CNTN6: variants seen among roughly 807,000 people sequenced by gnomAD.
The protein encoded by CNTN6 is contactin 6, also known as contactin-6.
A neutral mutation model predicts 122.8 loss-of-function variants in CNTN6; 137 were observed. The observed-to-expected ratio is 1.12, with a 90% CI of 0.97 to 1.29. The LOEUF is 1.29. Ranked by LOEUF, CNTN6 falls within the 50% of genes most tolerant of loss-of-function variation. The probability of loss-of-function intolerance (pLI) is 0.00; values close to 1 mark genes in which losing one functional copy is unlikely to be tolerated. For missense variants in CNTN6, 1,634 were observed against 1,223.4 expected (o/e 1.34, Z -5.01); for synonymous variants, 570 against 426.0 (o/e 1.34, Z -4.16).
chr3:1,182,949 A>AATGTATTG (rs2093578370), intron 2 of CNTN6, among the ~76,000 whole-genome samples: 1 of 152,100 alleles, frequency 6.6e-6, no homozygotes, highest in Non-Finnish European at 1.5e-5. Context: ...GAATGCATAA[A>AATGTATTG]ATGTATTGTC....
rs1359381878 is a variant in CNTN6 at position 1,227,999 on chromosome 3, T to C, written c.358+6T>C. On this transcript the variant is annotated splice_donor_region_variant and intron_variant, in intron 4 of 22. Coordinates refer to ENST00000446702, the MANE Select transcript of CNTN6 (RefSeq NM_001289080.2). ...GGCAAAGCTCCAATTTGCATGTGAG[T>C]TTGGGGTAAATTTTGTAATCTTTGT... 3 of 1,610,354 alleles carry C rather than the reference T, an allele frequency of 1.9e-6. No individual in the cohort carries two copies. Among genetic ancestry groups the C allele is most frequent in the Non-Finnish European group, 2.5e-6 (3 of 1,178,192 alleles).
intron 1 of CNTN6, among the ~76,000 whole-genome samples, chr3:1,107,612 C>G (rs1372519971): frequency 1.3e-5 from 2 of 152,016 alleles, no homozygotes; most frequent in African/African-American, 4.8e-5. Flanking sequence ...TCCAGGGTGA[C>G]AAAAGCTGAA....
intron 2 of CNTN6, among the ~76,000 whole-genome samples, chr3:1,194,306 T>C (rs2093744866): frequency 6.6e-6 from 1 of 152,152 alleles, no homozygotes; most frequent in Non-Finnish European, 1.5e-5. Context: ...TGGAAGTACC[T>C]GTACAGGGCA....
At chr3:1,396,672 TC>T (rs1695028909) in intron 20 of CNTN6, among the ~76,000 whole-genome samples, 1 of 152,230 alleles carries the variant, frequency 6.6e-6, no homozygotes, top group South Asian at 2.1e-4. Context: ...CAATTTACTT[TC>T]TTTGCATTTT....
intron 2 of CNTN6, among the ~76,000 whole-genome samples, chr3:1,202,738 T>C (rs1220251214): frequency 6.6e-6 from 1 of 152,040 alleles, no homozygotes; most frequent in Non-Finnish European, 1.5e-5. Flanking sequence ...AGGGCTTTTC[T>C]CACACAGGGA....
intron 2 of CNTN6, among the ~76,000 whole-genome samples, chr3:1,156,703 T>C (rs185942563): frequency 0.012 from 1,761 of 146,898 alleles, 30 homozygotes; most frequent in African/African-American, 0.042. Flanking sequence ...CTTCCTTCCT[T>C]CCTTCCTTCT....
At position 1,196,054 on chromosome 3, in the gene CNTN6, A is replaced by G. The variant is rs1049533599; in HGVS notation, c.56-24633A>G. Among the ~76,000 whole-genome samples, 4 of 152,272 alleles carry G rather than the reference A, an allele frequency of 2.6e-5. No homozygotes were observed. The South Asian group carries it at 6.2e-4, about 24-fold the overall frequency. On this transcript the variant is annotated intron_variant, in intron 2 of 22. Transcript: ENST00000446702. ...GGTTAGGTTCTTATTGCCCCATCTC[A>G]TTATTGTTAATGCAAAACTAGACTA...
At chr3:1,127,491 T>C (rs1459726624) in intron 1 of CNTN6, among the ~76,000 whole-genome samples, 1 of 151,860 alleles carries the variant, frequency 6.6e-6, no homozygotes, top group Non-Finnish European at 1.5e-5. Flanking sequence ...CATAGACCTC[T>C]CTAAGTGATT....
intron 2 of CNTN6, among the ~76,000 whole-genome samples, chr3:1,172,967 A>T (rs1407958392): frequency 6.6e-6 from 1 of 152,144 alleles, no homozygotes; most frequent in Non-Finnish European, 1.5e-5. Context: ...CTACTGGAAG[A>T]TCTTTCTCCA....
At chr3:1,341,265 T>A (rs567259359) in intron 11 of CNTN6, among the ~76,000 whole-genome samples, 1 of 151,562 alleles carries the variant, frequency 6.6e-6, no homozygotes, top group Non-Finnish European at 1.5e-5. Flanking sequence ...TACTTTCTAG[T>A]CTTTTCTTTT....
intron 7 of CNTN6, among the ~76,000 whole-genome samples, chr3:1,319,813 C>T (rs1243926679): frequency 7.2e-5 from 8 of 111,000 alleles, no homozygotes; most frequent in Non-Finnish European, 3.7e-5. Context: ...ATAATGAAAA[C>T]CAGAAATAAA....
In CNTN6 at chr3:1,359,509, G is replaced by A. The variant is rs564986510; in HGVS notation, c.1492+7058G>A. On this transcript the variant is annotated intron_variant, in intron 12 of 22. Coordinates refer to ENST00000446702, the MANE Select transcript of CNTN6 (RefSeq NM_001289080.2). ...TCCAAACCATTTAAATGTTGAAGTA[G>A]TAAATAAATGAGTAATGGTACCTGA... Among the ~76,000 whole-genome samples, 4 of 152,058 alleles carry A rather than the reference G, an allele frequency of 2.6e-5. No homozygotes were observed. The South Asian group carries it at 8.3e-4, about 32-fold the overall frequency.
At chr3:1,102,404 G>A (rs1231654610) in intron 1 of CNTN6, among the ~76,000 whole-genome samples, 2 of 152,138 alleles carry the variant, frequency 1.3e-5, no homozygotes, top group Admixed American at 6.5e-5. Context: ...CAGGTGTGCC[G>A]CTAATTTTCT....
intron 12 of CNTN6, among the ~76,000 whole-genome samples, chr3:1,361,033 C>A (rs1707385821): frequency 3.3e-5 from 5 of 152,058 alleles, no homozygotes; most frequent in Admixed American, 3.3e-4. Context: ...AACTTTAAGC[C>A]ATGCCATCTC....
chr3:1,102,910 A>G (rs2091007563), intron 1 of CNTN6, among the ~76,000 whole-genome samples: 2 of 150,840 alleles, frequency 1.3e-5, no homozygotes, highest in Non-Finnish European at 3.0e-5. Context: ...GATCGAGACC[A>G]TCCTGGCTAA....
intron 1 of CNTN6, among the ~76,000 whole-genome samples, chr3:1,121,051 T>A (rs965004258): frequency 6.6e-6 from 1 of 152,086 alleles, no homozygotes; most frequent in African/African-American, 2.4e-5. Flanking sequence ...ACATACTACA[T>A]AATGATCATT....
In CNTN6 at chr3:1,373,690, A is replaced by G; in HGVS notation, c.1873A>G (p.Asn625Asp). 5 of 1,613,238 alleles carry G rather than the reference A, an allele frequency of 3.1e-6. No individual in the cohort carries two copies. Among genetic ancestry groups the G allele is most frequent in the Non-Finnish European group, 4.2e-6 (5 of 1,179,406 alleles). The change falls in exon 15 of 23, where the codon AAC becomes GAC. Residue 625 changes from asparagine (N) to aspartate (D), a missense_variant. Asn to Asp is a conservative substitution (Grantham distance 23, BLOSUM62 1). Transcript: ENST00000446702. Reference protein sequence around the residue: ...QLSWRAGPDNNSPIQIFTIQT... With the variant: ...QLSWRAGPDNDSPIQIFTIQT... ...AAGTTGGAGAGCAGGCCCAGATAAT[A>G]ACAGTCCCATTCAAATATTTACTAT...
chr3:1,373,337 G>T (rs1398602093), intron 14 of CNTN6, among the ~76,000 whole-genome samples: 2 of 152,082 alleles, frequency 1.3e-5, no homozygotes, highest in Non-Finnish European at 2.9e-5. Context: ...AGGAATTAAA[G>T]ATGATGGTTC....
At chr3:1,306,874 A>C (rs1167818628) in intron 7 of CNTN6, among the ~76,000 whole-genome samples, 2 of 152,170 alleles carry the variant, frequency 1.3e-5, no homozygotes, top group Non-Finnish European at 1.5e-5. Context: ...AGAAGAATAG[A>C]TTTATCATTT....
Sources: gnomAD v4.1 joint callset for allele counts (sites outside exome capture counted in the v4.1 genomes callset) on GRCh38, gnomAD v4.1.1 for gene constraint, MANE v1.5 for transcripts, NCBI Gene and HGNC (gene_info 2026-07-23, HGNC 2026-07-21) for gene names.